The following GNE variants were observed in gnomAD, a reference collection of about 807,000 sequenced individuals.
GNE encodes the protein glucosamine (UDP-N-acetyl)-2-epimerase/N-acetylmannosamine kinase.
GNE carries 41 observed loss-of-function variants against 61.8 expected under a neutral mutation model. That is an observed-to-expected ratio of 0.66 (90% confidence interval 0.52 to 0.86). The LOEUF (loss-of-function observed/expected upper bound fraction) is 0.86, where lower values mean the gene tolerates loss of function less well. Among genes scored for constraint, GNE ranks in the 40% least tolerant of loss-of-function variants. The probability of loss-of-function intolerance (pLI) is 0.00; values close to 1 mark genes in which losing one functional copy is unlikely to be tolerated. For missense variants in GNE, 608 were observed against 909.1 expected (o/e 0.67, Z 4.26); for synonymous variants, 264 against 326.4 (o/e 0.81, Z 2.06).
intron 9 of GNE, 102 bp downstream of exon 9, chr9:36,222,675 G>A (rs572914064): frequency 3.5e-6 from 3 of 855,152 alleles, no homozygotes; most frequent in Admixed American, 3.4e-5. Flanking sequence ...TAGTCATGCA[G>A]GAAGTGAAGG....
chr9:36,221,772 G>A (rs1220930243), intron 9 of GNE, among the ~76,000 whole-genome samples: 1 of 151,914 alleles, frequency 6.6e-6, no homozygotes, highest in Non-Finnish European at 1.5e-5. Flanking sequence ...CTCGAGCCCA[G>A]CAGTTTAAGA....
At chr9:36,219,755 G>T in intron 10 of GNE, 83 bp downstream of exon 10, 4 of 1,239,460 alleles carry the variant, frequency 3.2e-6, no homozygotes, top group Non-Finnish European at 4.8e-6. Context: ...TCTGGCTTCA[G>T]TGTTCAGCTG....
Position 36,215,881 on chromosome 9 carries a change from T to C in GNE, c.*1484A>G. 5.7e-6 allele frequency: 1 copy of C among 174,874 alleles called. No individual in the cohort carries two copies. The highest frequency in any genetic ancestry group is 1.2e-5 in the Non-Finnish European group (1 of 81,100). The allele number at this position is 174,874 out of a possible 1,614,324, so 10.8% of individuals were successfully genotyped here. On this transcript the variant is annotated 3_prime_UTR_variant, in exon 12 of 12. Transcript: ENST00000642385. ...CACCCTAGGGTGTTACTCAACACAGTATGAAAGGCTACTGAAGGAAGAAGT... is the reference window on the plus strand; with the variant it reads ...CACCCTAGGGTGTTACTCAACACAGCATGAAAGGCTACTGAAGGAAGAAGT...
chr9:36,276,945 C>T (rs1468902753), exon 1 of GNE: 20 of 1,613,250 alleles, frequency 1.2e-5, no homozygotes, highest in Non-Finnish European at 1.4e-5. Context: ...AGGTTTCCAT[C>T]CCGAAGCACG....
intron 1 of GNE, chr9:36,265,242 G>A: frequency 2.6e-6 from 1 of 379,750 alleles, no homozygotes; most frequent in Non-Finnish European, 5.3e-6. Context: ...TCTTCCAATA[G>A]AGCTATAACA....
chr9:36,237,494 C>T (rs1829439688), intron 3 of GNE, among the ~76,000 whole-genome samples: 2 of 152,096 alleles, frequency 1.3e-5, no homozygotes, highest in Admixed American at 1.3e-4. Context: ...AGGAGAGTTT[C>T]GCTCATCCCT....
chr9:36,267,253 C>G (rs539160131), intron 1 of GNE, among the ~76,000 whole-genome samples: 4 of 152,116 alleles, frequency 2.6e-5, no homozygotes, highest in Non-Finnish European at 4.4e-5. Flanking sequence ...GCCCCAATTA[C>G]GAATCAGTTT....
Position 36,217,324 on chromosome 9 carries a change from C to A in GNE, c.*41G>T. On this transcript the variant is annotated 3_prime_UTR_variant, in exon 12 of 12. Coordinates refer to ENST00000642385, the MANE Select transcript of GNE (RefSeq NM_005476.7). ...CTAAAGACAAGAACTTGATTCCACT[C>A]AGGAGCTCTGGAGAGAAGGTCCATG... 7.6e-7 allele frequency: 1 copy of A among 1,321,618 alleles called. No homozygotes were observed. 81.9% of individuals were successfully genotyped at this position (1,321,618 alleles called of 1,614,324 possible).
At chr9:36,263,381 G>T (rs891082248), upstream of GNE, 20 of 173,562 alleles carry the variant, frequency 1.2e-4, no homozygotes, top group Non-Finnish European at 2.2e-4. Context: ...ATGTTGGCCA[G>T]GCTGGTCTCA....
intron 1 of GNE, among the ~76,000 whole-genome samples, chr9:36,276,400 T>A (rs934355643): frequency 2.0e-5 from 3 of 152,206 alleles, no homozygotes; most frequent in Non-Finnish European, 4.4e-5. Context: ...CCTTTTTATT[T>A]GACTTAGATA....
chr9:36,270,752 C>G (rs1261901586), intron 1 of GNE, among the ~76,000 whole-genome samples: 2 of 151,954 alleles, frequency 1.3e-5, no homozygotes, highest in South Asian at 4.1e-4. Flanking sequence ...CTCCTGACCT[C>G]GTGATCCGCC....
intron 1 of GNE, among the ~76,000 whole-genome samples, chr9:36,267,556 C>T (rs1362530898): frequency 2.0e-5 from 3 of 151,716 alleles, no homozygotes; most frequent in South Asian, 4.2e-4. Context: ...ATTAGTCAGG[C>T]GTGGTGGCAG....
chr9:36,236,002 A>C (rs940301198), intron 4 of GNE, among the ~76,000 whole-genome samples: 5 of 152,218 alleles, frequency 3.3e-5, no homozygotes, highest in African/African-American at 4.8e-5. Flanking sequence ...AGTACCATCC[A>C]CTGGTAAGCA....
At chr9:36,230,144 A>G (rs1015633840) in intron 5 of GNE, among the ~76,000 whole-genome samples, 5 of 152,082 alleles carry the variant, frequency 3.3e-5, no homozygotes, top group Non-Finnish European at 5.9e-5. Context: ...GCGTTTCACC[A>G]TGTTAGCCAG....
At chr9:36,262,672 C>T (rs1401404191), upstream of GNE, among the ~76,000 whole-genome samples, 1 of 152,152 alleles carries the variant, frequency 6.6e-6, no homozygotes, top group Non-Finnish European at 1.5e-5. Flanking sequence ...GCATTCAGGG[C>T]ATAACTAGGC....
In GNE at chr9:36,218,367, T is replaced by TTGCTTTCCACAGGCCCA; in HGVS notation, c.1817-69_1817-68insTGGGCCTGTGGAAAGCA. 1.8e-6 allele frequency: 2 copies of TTGCTTTCCACAGGCCCA among 1,119,248 alleles called. No homozygotes were observed. The highest frequency in any genetic ancestry group is 2.7e-6 in the Non-Finnish European group (2 of 730,590). 69.3% of individuals were successfully genotyped at this position (1,119,248 alleles called of 1,614,324 possible). On this transcript the variant is annotated intron_variant, in intron 10 of 11. Coordinates refer to ENST00000642385, the MANE Select transcript of GNE (RefSeq NM_005476.7). The surrounding 1 kb of genome is among the most constrained non-coding windows in gnomAD (Gnocchi z 4.1). ...GGGAGGCCAAGCTCACCACTGGGCCTGTGGAAAGCAAGCCCCTACATGGGA... is the reference window on the plus strand; with the variant it reads ...GGGAGGCCAAGCTCACCACTGGGCCTTGCTTTCCACAGGCCCAGTGGAAAGCAAGCCCCTACATGGGA...
At position 36,240,732 on chromosome 9, in the gene GNE, ATTC is replaced by A. The variant is rs563828260; in HGVS notation, c.617-3751_617-3749del. On this transcript the variant is annotated intron_variant, in intron 3 of 11. Coordinates refer to ENST00000642385, the MANE Select transcript of GNE (RefSeq NM_005476.7). Reference sequence around the variant, plus strand: ...AATAGTGTCAAAAGGATTGGTACCAATTCTTCTTTGAATGTCTGGTAGAATTCT... The same window carrying A: ...AATAGTGTCAAAAGGATTGGTACCAATTCTTTGAATGTCTGGTAGAATTCT... Among the ~76,000 whole-genome samples the A allele has an allele frequency of 4.9e-3, 748 of 152,202 alleles. 7 individuals are homozygous for A. The highest frequency in any genetic ancestry group is 0.016 in the African/African-American group (681 of 41,534).
At chr9:36,232,335 C>A (rs944822376) in intron 5 of GNE, among the ~76,000 whole-genome samples, 1,656 of 91,924 alleles carry the variant, frequency 0.018, 42 homozygotes, top group African/African-American at 0.081. Context: ...CTTGCCCCCC[C>A]GCCCCCCCTC....
chr9:36,259,392 C>CT (rs10557132), upstream of GNE, among the ~76,000 whole-genome samples: 10 of 151,662 alleles, frequency 6.6e-5, no homozygotes, highest in East Asian at 3.9e-4. Flanking sequence ...ATATTAACAT[C>CT]TTTTTTTTTT....
Sources: gnomAD v4.1 joint callset for allele counts (sites outside exome capture counted in the v4.1 genomes callset) on GRCh38, gnomAD v4.1.1 for gene constraint, Gnocchi (gnomAD v3.1) non-coding constraint, MANE v1.5 for transcripts, NCBI Gene and HGNC (gene_info 2026-07-23, HGNC 2026-07-21) for gene names.